VTI1A: variants seen among roughly 807,000 people sequenced by gnomAD.
VTI1A encodes vesicle transport through interaction with t-SNAREs 1A.
Under a neutral mutation model 34.9 loss-of-function variants are expected in VTI1A, and 22 were observed. That is an observed-to-expected ratio of 0.63 (90% CI 0.45 to 0.90). VTI1A has a LOEUF of 0.90. Among genes scored for constraint, VTI1A ranks in the 40% least tolerant of loss-of-function variants. The probability of loss-of-function intolerance (pLI) is 0.00; values close to 1 mark genes in which losing one functional copy is unlikely to be tolerated. For missense variants in VTI1A, 268 were observed against 275.6 expected, an observed-to-expected ratio of 0.97 and a Z score of 0.20; for synonymous variants, 87 against 97.3, an observed-to-expected ratio of 0.89 and a Z score of 0.62.
rs967259570 is a variant in VTI1A, at chr10:112,748,573, C to T, written c.561-66717C>T. 1.1e-4 allele frequency among the ~76,000 whole-genome samples: 17 copies of T among 149,808 alleles called. No individual in the cohort carries two copies. The Middle Eastern group carries it at 0.01, about 90-fold the overall frequency. On this transcript the variant is annotated intron_variant, in intron 7 of 7. Transcript: ENST00000393077. ...ATTATACACATGTACAAATAACCCA[C>T]ACACAAATGACACCTGTTACTCTTT...
At chr10:112,718,476 G>A (rs371370657) in intron 7 of VTI1A, among the ~76,000 whole-genome samples, 7 of 152,352 alleles carry the variant, frequency 4.6e-5, no homozygotes, top group East Asian at 3.9e-4. Flanking sequence ...ACTACTTCAA[G>A]TGTGCTATCT....
intron 3 of VTI1A, among the ~76,000 whole-genome samples, chr10:112,479,081 C>T (rs990819809): frequency 6.6e-6 from 1 of 152,086 alleles, no homozygotes; most frequent in African/African-American, 2.4e-5. Context: ...GCAGGAGAAT[C>T]GCTTGAACCT....
intron 5 of VTI1A, among the ~76,000 whole-genome samples, chr10:112,570,228 AC>A (rs1422750761): frequency 3.9e-5 from 6 of 152,084 alleles, no homozygotes; most frequent in Non-Finnish European, 8.8e-5. Flanking sequence ...CAAACTCTAA[AC>A]TGGCTGTGTA....
intron 7 of VTI1A, among the ~76,000 whole-genome samples, chr10:112,700,117 C>CAAAAAAAAAA (rs1201699870): frequency 1.2e-4 from 5 of 40,370 alleles, no homozygotes; most frequent in Non-Finnish European, 2.3e-4. Context: ...GACTCCATCT[C>CAAAAAAAAAA]AAAAAAAAAA....
chr10:112,672,775 A>C (rs1847896451), intron 7 of VTI1A: 1 of 152,208 alleles, frequency 6.6e-6, no homozygotes, highest in African/African-American at 2.4e-5. Context: ...CAATCTGTAA[A>C]AATGAAAATT....
chr10:112,531,119 G>GCA (rs1850423607), intron 4 of VTI1A, among the ~76,000 whole-genome samples: 2 of 148,610 alleles, frequency 1.3e-5, no homozygotes, highest in South Asian at 2.1e-4. Flanking sequence ...GCACGTGCGC[G>GCA]CGCGCGCATG....
At chr10:112,701,327 A>T (rs1442797483) in intron 7 of VTI1A, among the ~76,000 whole-genome samples, 2 of 152,206 alleles carry the variant, frequency 1.3e-5, no homozygotes, top group African/African-American at 4.8e-5. Context: ...TGACTTGTGG[A>T]TGTAAGCAGG....
intron 5 of VTI1A, among the ~76,000 whole-genome samples, chr10:112,637,267 A>G (rs1846390708): frequency 6.6e-6 from 1 of 152,232 alleles, no homozygotes; most frequent in Non-Finnish European, 1.5e-5. Context: ...GTTTTACTGC[A>G]TGGCAAACTA....
At chr10:112,685,575 C>G (rs1848373917) in intron 7 of VTI1A, among the ~76,000 whole-genome samples, 1 of 152,100 alleles carries the variant, frequency 6.6e-6, no homozygotes, top group Admixed American at 6.6e-5. Context: ...TTAAGGACAC[C>G]AAAGTATTTT....
At chr10:112,613,856 C>A (rs1415725739) in intron 5 of VTI1A, among the ~76,000 whole-genome samples, 1 of 152,200 alleles carries the variant, frequency 6.6e-6, no homozygotes, top group African/African-American at 2.4e-5. Flanking sequence ...TTGGGCGATA[C>A]TGTACATGCG....
At chr10:112,678,179 C>A (rs1343650483) in intron 7 of VTI1A, among the ~76,000 whole-genome samples, 1 of 152,106 alleles carries the variant, frequency 6.6e-6, no homozygotes, top group Non-Finnish European at 1.5e-5. Context: ...TGATTGTGAG[C>A]CACAATTTGA....
At chr10:112,560,831 A>G (rs1440582480) in intron 5 of VTI1A, among the ~76,000 whole-genome samples, 1 of 151,964 alleles carries the variant, frequency 6.6e-6, no homozygotes, top group Non-Finnish European at 1.5e-5. Flanking sequence ...TCTTGACCTC[A>G]AGTGATCCAC....
intron 5 of VTI1A, among the ~76,000 whole-genome samples, chr10:112,599,899 C>G (rs1377156926): frequency 3.3e-5 from 5 of 152,126 alleles, no homozygotes; most frequent in Admixed American, 2.0e-4. Flanking sequence ...TTTCTATGCT[C>G]AAAACGAATA....
At chr10:112,706,019 G>A (rs1453529159) in intron 7 of VTI1A, among the ~76,000 whole-genome samples, 1 of 152,042 alleles carries the variant, frequency 6.6e-6, no homozygotes, top group Non-Finnish European at 1.5e-5. Flanking sequence ...TCCATCTTTT[G>A]TGTTAGGTGG....
chr10:112,525,757 AC>A (rs1383167635), intron 3 of VTI1A, among the ~76,000 whole-genome samples: 9 of 152,172 alleles, frequency 5.9e-5, no homozygotes, highest in Non-Finnish European at 1.3e-4. Flanking sequence ...AAAAGTTGTA[AC>A]TTCAGAATGA....
chr10:112,634,203 T>C (rs1443651584), intron 5 of VTI1A: 1 of 154,596 alleles, frequency 6.5e-6, no homozygotes, highest in East Asian at 1.9e-4. Context: ...TCCTTGCCTG[T>C]GGCAAGACCA....
intron 7 of VTI1A, among the ~76,000 whole-genome samples, chr10:112,731,657 C>T (rs757766839): frequency 6.6e-6 from 1 of 151,316 alleles, no homozygotes; most frequent in Admixed American, 6.6e-5. Flanking sequence ...TATATGACAT[C>T]ACCAATATTT....
At chr10:112,462,061 G>A (rs1289911665) in intron 2 of VTI1A, among the ~76,000 whole-genome samples, 1 of 152,164 alleles carries the variant, frequency 6.6e-6, no homozygotes, top group Admixed American at 6.5e-5. Flanking sequence ...TGTTAGTCAG[G>A]CTGGTCTTGA....
At chr10:112,688,804 G>A (rs1478501708) in intron 7 of VTI1A, among the ~76,000 whole-genome samples, 1 of 152,080 alleles carries the variant, frequency 6.6e-6, no homozygotes, top group Admixed American at 6.6e-5. Flanking sequence ...CTCCCAAAGT[G>A]CAGGAATTAC....
Sources: gnomAD v4.1 joint callset for allele counts (sites outside exome capture counted in the v4.1 genomes callset) on GRCh38, gnomAD v4.1.1 for gene constraint, MANE v1.5 for transcripts, NCBI Gene and HGNC (gene_info 2026-07-23, HGNC 2026-07-21) for gene names.